PRKAR1A: variants seen among roughly 807,000 people sequenced by gnomAD.
PRKAR1A encodes the protein protein kinase cAMP-dependent type I regulatory subunit alpha, also known as cAMP-dependent protein kinase type I-alpha regulatory subunit.
Under a neutral mutation model 52.0 loss-of-function variants are expected in PRKAR1A, and 3 were observed. The ratio of observed to expected loss-of-function variants is 0.06; its 90% CI spans 0.03 to 0.15. The LOEUF (loss-of-function observed/expected upper bound fraction) is 0.15. Among genes scored for constraint, PRKAR1A ranks in the 10% least tolerant of loss-of-function variants. The pLI is 1.00. For missense variants in PRKAR1A, 240 were observed against 477.4 expected (o/e 0.50, Z 4.63); for synonymous variants, 188 against 168.4 (o/e 1.12, Z -0.90).
the PRKAR1A span, among the ~76,000 whole-genome samples, chr17:68,485,775 G>A: frequency 6.6e-6 from 1 of 152,150 alleles, no homozygotes; most frequent in Non-Finnish European, 1.5e-5. Context: ...GTCTCACTCT[G>A]TTGCCCAGGC....
At chr17:68,523,032 TCATC>T (rs1221063123) in intron 3 of PRKAR1A, 106 bp downstream of exon 3, 2 of 1,351,614 alleles carry the variant, frequency 1.5e-6, no homozygotes, top group African/African-American at 1.4e-5. Context: ...GGGTGGAACT[TCATC>T]CATCCTGTAC....
the PRKAR1A span, among the ~76,000 whole-genome samples, chr17:68,422,985 C>T: frequency 6.6e-6 from 1 of 152,112 alleles, no homozygotes; most frequent in Non-Finnish European, 1.5e-5. Flanking sequence ...TGATCCTACG[C>T]AGGGAAGTGT....
chr17:68,481,929 C>A, the PRKAR1A span, among the ~76,000 whole-genome samples: 1 of 152,202 alleles, frequency 6.6e-6, no homozygotes, highest in Non-Finnish European at 1.5e-5. Flanking sequence ...TTGGTACGTG[C>A]TAGGCAATGC....
the PRKAR1A span, among the ~76,000 whole-genome samples, chr17:68,438,970 C>A: frequency 2.0e-5 from 3 of 152,136 alleles, no homozygotes; most frequent in African/African-American, 2.4e-5. Context: ...ACTAGGATGA[C>A]TATAGTGAAA....
At chr17:68,477,648 A>AT in the PRKAR1A span, among the ~76,000 whole-genome samples, 2 of 143,950 alleles carry the variant, frequency 1.4e-5, no homozygotes, top group African/African-American at 5.1e-5. Flanking sequence ...ACTTCCCTTC[A>AT]TTTTTTCTCC....
At chr17:68,537,670 C>T (rs772483017), downstream of PRKAR1A, 23 of 1,613,510 alleles carry the variant, frequency 1.4e-5, no homozygotes, top group Admixed American at 6.7e-5. This position sits in a 1 kb window ranked among gnomAD's most constrained non-coding sequence, Gnocchi z 4.2. Context: ...CAGTGATTCT[C>T]GCATCACATC....
chr17:68,459,902 C>T, the PRKAR1A span, among the ~76,000 whole-genome samples: 1 of 149,508 alleles, frequency 6.7e-6, no homozygotes, highest in Non-Finnish European at 1.5e-5. Flanking sequence ...CTCACTGCAA[C>T]CTCTCCATCC....
At chr17:68,500,507 G>A in the PRKAR1A span, among the ~76,000 whole-genome samples, 2 of 130,452 alleles carry the variant, frequency 1.5e-5, no homozygotes, top group Admixed American at 8.4e-5. Context: ...ACCCAGTCTC[G>A]AGTATTTTTT....
chr17:68,419,818 C>T, the PRKAR1A span, among the ~76,000 whole-genome samples: 1 of 146,952 alleles, frequency 6.8e-6, no homozygotes, highest in Non-Finnish European at 1.5e-5. Context: ...AAAAGTTGGG[C>T]GTGGTGGTGC....
chr17:68,420,396 C>T, the PRKAR1A span: 1 of 1,614,204 alleles, frequency 6.2e-7, no homozygotes, highest in Non-Finnish European at 8.5e-7. Context: ...GCAGATTACA[C>T]TCAGGACCCT....
At chr17:68,457,516 G>GCCCCGCCCCCTA in the PRKAR1A span, 3 of 859,418 alleles carry the variant, frequency 3.5e-6, no homozygotes, top group African/African-American at 7.4e-5. Flanking sequence ...CGCCGGTCCT[G>GCCCCGCCCCCTA]CCCCGCCCCT....
Position 68,530,933 on chromosome 17 carries a change from T to A in PRKAR1A, c.*484T>A. On this transcript the variant is annotated 3_prime_UTR_variant, in exon 11 of 11. Transcript: ENST00000589228. Reference sequence around the variant, plus strand: ...GGAAAATGGATATAGAAAATCTTAGTATAGTAGAAAGACATCTGCCTGTAA... The same window carrying A: ...GGAAAATGGATATAGAAAATCTTAGAATAGTAGAAAGACATCTGCCTGTAA... The A allele has an allele frequency of 9.1e-7, 1 of 1,104,450 alleles. No individual in the cohort carries two copies. Among genetic ancestry groups the A allele is most frequent in the Non-Finnish European group, 1.1e-6 (1 of 901,390 alleles). 68.4% of individuals were successfully genotyped at this position (1,104,450 alleles called of 1,614,324 possible). A position where few individuals can be genotyped will look rare whatever the true frequency, so the allele number is the denominator to read the frequency against.
chr17:68,525,459 C>T (rs909587376), intron 6 of PRKAR1A, among the ~76,000 whole-genome samples: 3 of 152,172 alleles, frequency 2.0e-5, no homozygotes, highest in Non-Finnish European at 2.9e-5. Context: ...GTGCTCAGCA[C>T]GGTTCTCTAA....
At chr17:68,523,171 A>C (rs559954119) in intron 3 of PRKAR1A, among the ~76,000 whole-genome samples, 2 of 152,210 alleles carry the variant, frequency 1.3e-5, no homozygotes, top group Non-Finnish European at 2.9e-5. Flanking sequence ...GTTGTTTTGC[A>C]GTAGAAGGAG....
At position 68,551,129 on chromosome 17, in the gene PRKAR1A, C is replaced by CT. The variant is rs2086816185; in HGVS notation, c.*6dup. On this transcript the variant is annotated 3_prime_UTR_variant, in exon 12 of 12. Transcript: ENST00000585981. ...AGGAGCATTCCCCTGGGCTAAGGCA[C>CT]TGGGGCCGAACTCTAGGAGACCCTA... 3 of 1,234,258 alleles carry CT rather than the reference C, an allele frequency of 2.4e-6. No homozygotes were observed. The South Asian group carries it at 1.2e-4, about 51-fold the overall frequency. 76.5% of individuals were successfully genotyped at this position (1,234,258 alleles called of 1,614,324 possible). A position where few individuals can be genotyped will look rare whatever the true frequency, so the allele number is the denominator to read the frequency against.
chr17:68,496,818 C>CTTTTTTTTTT, the PRKAR1A span, among the ~76,000 whole-genome samples: 26 of 91,216 alleles, frequency 2.9e-4, no homozygotes, highest in Non-Finnish European at 4.1e-4. Context: ...TTAGTTTTTA[C>CTTTTTTTTTT]TTTTTTTTTT....
the PRKAR1A span, chr17:68,428,899 T>C: frequency 1.2e-6 from 2 of 1,614,156 alleles, no homozygotes; most frequent in South Asian, 2.2e-5. Flanking sequence ...AGGTGTCCAC[T>C]GGATGACGCA....
At chr17:68,517,997 A>G (rs972529181) in intron 2 of PRKAR1A, among the ~76,000 whole-genome samples, 5 of 152,214 alleles carry the variant, frequency 3.3e-5, no homozygotes, top group Non-Finnish European at 7.3e-5. Flanking sequence ...ACGAGGCAGT[A>G]ATTAAATCTT....
chr17:68,450,783 T>G, the PRKAR1A span: 1 of 1,613,916 alleles, frequency 6.2e-7, no homozygotes. Context: ...ATTACAGATC[T>G]CTGTGCCTTT....
Sources: allele counts gnomAD v4.1 joint callset (sites outside exome capture counted in the v4.1 genomes callset), GRCh38; gene constraint gnomAD v4.1.1; non-coding constraint Gnocchi (gnomAD v3.1); transcripts MANE v1.5; gene names NCBI Gene and HGNC (gene_info 2026-07-23, HGNC 2026-07-21).